SLCO1B3: variants seen among roughly 807,000 people sequenced by gnomAD.
SLCO1B3 encodes liver-specific organic anion transporter 2.
A neutral mutation model predicts 71.8 loss-of-function variants in SLCO1B3; 72 were observed. The ratio of observed to expected loss-of-function variants is 1.00; its 90% confidence interval spans 0.83 to 1.22. The LOEUF (loss-of-function observed/expected upper bound fraction) is 1.22, where lower values mean the gene tolerates loss of function less well. Among genes scored for constraint, SLCO1B3 ranks in the 50% most tolerant of loss-of-function variants. The pLI is 0.00. For synonymous variants in SLCO1B3, 298 were observed against 278.4 expected, an observed-to-expected ratio of 1.07 and a Z score of -0.70; for missense variants, 911 against 819.7, an observed-to-expected ratio of 1.11 and a Z score of -1.36.
chr12:20,883,446 T>G lies in SLCO1B3; in HGVS notation c.1526T>G (p.Val509Gly). The G allele has an allele frequency of 6.4e-7, 1 of 1,570,854 alleles. No individual in the cohort carries two copies. The highest frequency in any genetic ancestry group is 8.6e-7 in the Non-Finnish European group (1 of 1,162,694). The change falls in exon 13 of 16, where the codon GTA becomes GGA. Residue 509 changes from valine (V) to glycine (G), a missense_variant. Coordinates refer to ENST00000381545, the MANE Select transcript of SLCO1B3 (RefSeq NM_019844.4). The stretch of plus-strand genomic sequence containing the variant: ...TTTTATAACTGTAGTTGTGTGGAAG[T>G]AACTGGTCTCCAGAACAGAAATTAC... ...TVFYNCSCVE[V>G]TGLQNRNYSA... is the part of the protein sequence containing the mutation.
At chr12:20,874,504 A>G (rs977162823) in intron 8 of SLCO1B3, among the ~76,000 whole-genome samples, 1 of 152,146 alleles carries the variant, frequency 6.6e-6, no homozygotes, top group Non-Finnish European at 1.5e-5. Context: ...TATCTTGCTG[A>G]TATCTCATGG....
At chr12:20,866,253 A>G (rs772578762) in intron 8 of SLCO1B3, among the ~76,000 whole-genome samples, 1 of 152,114 alleles carries the variant, frequency 6.6e-6, no homozygotes, top group African/African-American at 2.4e-5. Context: ...CACTGTTTCA[A>G]TATAAATGCA....
chr12:20,858,439 G>T lies in SLCO1B3; in HGVS notation c.227G>T (p.Gly76Val), dbSNP rs368091191. Residue 76 changes from glycine to valine, a missense_variant and splice_region_variant, in exon 5 of 16, where the codon GGA (glycine) becomes GTA (valine). Coordinates refer to ENST00000381545, the MANE Select transcript of SLCO1B3 (RefSeq NM_019844.4). ...CAACATAATTTTGTTTTTTTTCTAGGAAATTTGCTTGTGATTGTATTTGTA... is the reference window on the plus strand; with the variant it reads ...CAACATAATTTTGTTTTTTTTCTAGTAAATTTGCTTGTGATTGTATTTGTA... The part of the protein sequence containing the change: ...AGLIDGSFEI[G>V]NLLVIVFVSY... 9 of 1,581,362 alleles carry T rather than the reference G, an allele frequency of 5.7e-6. No homozygotes were observed. Among genetic ancestry groups the T allele is most frequent in the Admixed American group, 3.4e-5 (2 of 59,430 alleles).
At chr12:20,848,687 C>T (rs974258804) in intron 3 of SLCO1B3, among the ~76,000 whole-genome samples, 2 of 151,958 alleles carry the variant, frequency 1.3e-5, no homozygotes, top group African/African-American at 2.4e-5. Flanking sequence ...CATAAAAATA[C>T]ATGGAAAGAC....
chr12:20,817,929 C>A (rs779017171), intron 3 of SLCO1B3, among the ~76,000 whole-genome samples: 5 of 152,016 alleles, frequency 3.3e-5, no homozygotes, highest in South Asian at 2.1e-4. Context: ...TTGGGGATAG[C>A]ACCAGGAGAT....
intron 3 of SLCO1B3, among the ~76,000 whole-genome samples, chr12:20,824,961 TA>T (rs1191940072): frequency 6.6e-6 from 1 of 152,126 alleles, no homozygotes; most frequent in Non-Finnish European, 1.5e-5. Flanking sequence ...AAAGTTTTTT[TA>T]AAAAAGGCAA....
At chr12:20,811,290 C>CT (rs903853112) in intron 1 of SLCO1B3, among the ~76,000 whole-genome samples, 1 of 152,060 alleles carries the variant, frequency 6.6e-6, no homozygotes, top group African/African-American at 2.4e-5. Flanking sequence ...TTCTAGATAA[C>CT]TTTTTTATCT....
At chr12:20,895,370 C>T (rs1865984646) in intron 13 of SLCO1B3, among the ~76,000 whole-genome samples, 1 of 152,140 alleles carries the variant, frequency 6.6e-6, no homozygotes. Flanking sequence ...CTAGTTACTT[C>T]CTAGATACAA....
At chr12:20,816,137 C>T (rs75589443) in intron 3 of SLCO1B3, among the ~76,000 whole-genome samples, 17,255 of 152,034 alleles carry the variant, frequency 0.11, 1,063 homozygotes, top group Non-Finnish European at 0.13. Flanking sequence ...TACAGGCATG[C>T]AATGTGAAAT....
intron 13 of SLCO1B3, among the ~76,000 whole-genome samples, chr12:20,885,933 G>A (rs1274152490): frequency 2.0e-5 from 3 of 152,010 alleles, no homozygotes; most frequent in Non-Finnish European, 4.4e-5. Context: ...GTTTTTGGAA[G>A]ACAAGAATGA....
rs142776688 is a variant in SLCO1B3 at position 20,873,740 on chromosome 12, A to G, written c.728-1495A>G. Among the ~76,000 whole-genome samples, 1,143 of 152,184 alleles carry G rather than the reference A, an allele frequency of 7.5e-3. 42 individuals carry two copies. Among genetic ancestry groups the G allele is most frequent in the Admixed American group, 0.062 (949 of 15,288 alleles). ...GTATTAAGTCCCACATGCATTAGCT[A>G]TTTGTCCTGATGCTCTCCCTCCTTC... On this transcript the variant is annotated intron_variant, in intron 8 of 15. Coordinates refer to ENST00000381545, the MANE Select transcript of SLCO1B3 (RefSeq NM_019844.4).
intron 3 of SLCO1B3, among the ~76,000 whole-genome samples, chr12:20,832,646 GC>G (rs1864569288): frequency 6.6e-6 from 1 of 151,914 alleles, no homozygotes; most frequent in Non-Finnish European, 1.5e-5. Context: ...GGCCATGGTG[GC>G]CTTTTTGCTG....
chr12:20,870,604 G>A (rs1039688703), intron 8 of SLCO1B3, among the ~76,000 whole-genome samples: 8 of 152,002 alleles, frequency 5.3e-5, no homozygotes, highest in East Asian at 3.9e-4. Context: ...TTTCACTATC[G>A]TGGTCCCTTG....
chr12:20,895,118 G>A (rs1303584897), intron 13 of SLCO1B3, among the ~76,000 whole-genome samples: 2 of 152,134 alleles, frequency 1.3e-5, no homozygotes, highest in South Asian at 2.1e-4. Flanking sequence ...CCAACAACAC[G>A]TGGGAATTAT....
intron 13 of SLCO1B3, among the ~76,000 whole-genome samples, chr12:20,894,949 A>G (rs550079821): frequency 6.6e-6 from 1 of 152,336 alleles, no homozygotes; most frequent in East Asian, 1.9e-4. Context: ...AGTGGAAGGC[A>G]AGGAGGAGCA....
chr12:20,876,190 A>T (rs1865574754), intron 9 of SLCO1B3, among the ~76,000 whole-genome samples: 1 of 152,150 alleles, frequency 6.6e-6, no homozygotes, highest in Non-Finnish European at 1.5e-5. Flanking sequence ...AATGTGAATT[A>T]GGATTCCTTA....
intron 3 of SLCO1B3, among the ~76,000 whole-genome samples, chr12:20,819,155 G>A (rs965425317): frequency 6.6e-6 from 1 of 152,176 alleles, no homozygotes; most frequent in African/African-American, 2.4e-5. Context: ...GGACAGAAAG[G>A]CTACAGGGTG....
intron 3 of SLCO1B3, among the ~76,000 whole-genome samples, chr12:20,849,792 T>TA (rs1864988401): frequency 6.6e-6 from 1 of 150,842 alleles, no homozygotes; most frequent in Admixed American, 6.6e-5. Context: ...GAAAAATAAT[T>TA]AAAGGAGTAA....
intron 3 of SLCO1B3, among the ~76,000 whole-genome samples, chr12:20,851,496 C>T (rs935910159): frequency 4.6e-5 from 7 of 151,976 alleles, no homozygotes; most frequent in Non-Finnish European, 8.8e-5. Flanking sequence ...AGTCCTTTGT[C>T]CATTTTTTAG....
Sources: allele counts gnomAD v4.1 joint callset (sites outside exome capture counted in the v4.1 genomes callset), GRCh38; gene constraint gnomAD v4.1.1; transcripts MANE v1.5; gene names NCBI Gene and HGNC (gene_info 2026-07-23, HGNC 2026-07-21).